SLC24A3: variants seen among roughly 807,000 people sequenced by gnomAD.
SLC24A3 encodes sodium/potassium/calcium exchanger 3.
SLC24A3 carries 28 observed loss-of-function variants against 75.8 expected under a neutral mutation model. The observed-to-expected ratio is 0.37, with a 90% CI of 0.27 to 0.51. SLC24A3 has a LOEUF of 0.51. Ranked by LOEUF, SLC24A3 falls within the 20% of genes least tolerant of loss-of-function variation. The pLI is 0.94. For synonymous variants in SLC24A3, 372 were observed against 334.1 expected, an observed-to-expected ratio of 1.11 and a Z score of -1.24; for missense variants, 663 against 847.8, an observed-to-expected ratio of 0.78 and a Z score of 2.71.
At chr20:19,483,194 C>T (rs1417694520) in intron 2 of SLC24A3, among the ~76,000 whole-genome samples, 2 of 152,176 alleles carry the variant, frequency 1.3e-5, no homozygotes, top group Admixed American at 1.3e-4. Context: ...CCATGGACTC[C>T]AGAAGGCAGC....
At chr20:19,663,542 A>G (rs1381424665) in intron 7 of SLC24A3, among the ~76,000 whole-genome samples, 1 of 133,060 alleles carries the variant, frequency 7.5e-6, no homozygotes, top group Non-Finnish European at 1.6e-5. Context: ...TCTTCACACA[A>G]GGCAGAGATC....
At chr20:19,682,082 AT>A in intron 10 of SLC24A3, 91 bp downstream of exon 10, 1 of 1,390,340 alleles carries the variant, frequency 7.2e-7, no homozygotes, top group Non-Finnish European at 9.8e-7. Context: ...GCAAATCCCC[AT>A]CTTTACTAAA....
At chr20:19,357,739 G>C (rs947643274) in intron 2 of SLC24A3, among the ~76,000 whole-genome samples, 1 of 152,168 alleles carries the variant, frequency 6.6e-6, no homozygotes, top group East Asian at 1.9e-4. Flanking sequence ...TGCTGTGTTG[G>C]GGCATGGCCA....
At position 19,607,020 on chromosome 20, in the gene SLC24A3, G is replaced by A. The variant is rs549169160; in HGVS notation, c.612+21476G>A. Among the ~76,000 whole-genome samples, 6 of 152,298 alleles carry A rather than the reference G, an allele frequency of 3.9e-5. No individual in the cohort carries two copies. The East Asian group carries it at 1.2e-3, about 29-fold the overall frequency. On this transcript the variant is annotated intron_variant, in intron 6 of 16. Transcript: ENST00000328041. The stretch of plus-strand genomic sequence containing the variant: ...AGAATGTAGGCATAGAAGAGGGTTG[G>A]ACGTGTGAATGAGTTTAGATGTTTA...
intron 2 of SLC24A3, among the ~76,000 whole-genome samples, chr20:19,405,737 G>A (rs1290904150): frequency 6.6e-6 from 1 of 152,194 alleles, no homozygotes. Flanking sequence ...TGAAGAATTT[G>A]AAGAATTTAA....
chr20:19,713,752 G>T (rs573883305), intron 15 of SLC24A3, among the ~76,000 whole-genome samples: 1 of 152,318 alleles, frequency 6.6e-6, no homozygotes, highest in Non-Finnish European at 1.5e-5. Context: ...CTGTTCAACA[G>T]TTTTAACGTG....
chr20:19,310,187 A>G (rs1984425665), intron 2 of SLC24A3, among the ~76,000 whole-genome samples: 1 of 151,932 alleles, frequency 6.6e-6, no homozygotes, highest in Non-Finnish European at 1.5e-5. Context: ...CTTTCACATT[A>G]CCCCTTCTAA....
At chr20:19,449,397 G>A (rs1029470255) in intron 2 of SLC24A3, among the ~76,000 whole-genome samples, 7 of 152,358 alleles carry the variant, frequency 4.6e-5, no homozygotes, top group East Asian at 1.9e-4. Context: ...CCTGCCCCAC[G>A]TGGCGCCCAA....
At chr20:19,379,737 A>G (rs1399291463) in intron 2 of SLC24A3, among the ~76,000 whole-genome samples, 1 of 152,202 alleles carries the variant, frequency 6.6e-6, no homozygotes, top group Non-Finnish European at 1.5e-5. Context: ...GTATCTTACA[A>G]CAACAACAAT....
intron 13 of SLC24A3, chr20:19,695,825 C>G (rs954707577): frequency 1.3e-5 from 2 of 152,126 alleles, no homozygotes; most frequent in African/African-American, 4.8e-5. Context: ...GTACACATTA[C>G]GTAGCACCCA....
intron 2 of SLC24A3, among the ~76,000 whole-genome samples, chr20:19,315,755 G>T (rs1984570678): frequency 6.6e-6 from 1 of 152,206 alleles, no homozygotes; most frequent in African/African-American, 2.4e-5. Flanking sequence ...ACTGTAACCA[G>T]AGTTCACAGT....
chr20:19,395,455 T>C (rs1474434045), intron 2 of SLC24A3, among the ~76,000 whole-genome samples: 1 of 152,228 alleles, frequency 6.6e-6, no homozygotes, highest in Non-Finnish European at 1.5e-5. Flanking sequence ...TTTTCTTTCC[T>C]AGGTGTATGT....
chr20:19,566,577 A>T (rs1326384511), intron 3 of SLC24A3, among the ~76,000 whole-genome samples: 1 of 152,214 alleles, frequency 6.6e-6, no homozygotes, highest in Non-Finnish European at 1.5e-5. Flanking sequence ...TACGAACCAA[A>T]TGAAGACTTC....
intron 2 of SLC24A3, among the ~76,000 whole-genome samples, chr20:19,466,007 C>A (rs1372366180): frequency 6.6e-6 from 1 of 152,196 alleles, no homozygotes; most frequent in East Asian, 1.9e-4. Context: ...GTCTCCCCAG[C>A]TGTCTTATTT....
At chr20:19,372,486 C>T (rs1986009271) in intron 2 of SLC24A3, among the ~76,000 whole-genome samples, 1 of 152,190 alleles carries the variant, frequency 6.6e-6, no homozygotes. Flanking sequence ...GAAAATGGTT[C>T]ATGCGGGAAT....
intron 2 of SLC24A3, among the ~76,000 whole-genome samples, chr20:19,308,494 G>C (rs1984381475): frequency 6.6e-6 from 1 of 152,206 alleles, no homozygotes; most frequent in Non-Finnish European, 1.5e-5. Flanking sequence ...GAGGGGAGGG[G>C]ACATTTGTGA....
intron 2 of SLC24A3, among the ~76,000 whole-genome samples, chr20:19,368,214 G>T (rs1045295495): frequency 4.6e-5 from 7 of 152,160 alleles, no homozygotes; most frequent in African/African-American, 1.4e-4. Flanking sequence ...GAAACATCAT[G>T]GCTGGATGGC....
At chr20:19,513,648 T>G (rs1230317584) in intron 2 of SLC24A3, among the ~76,000 whole-genome samples, 1 of 152,034 alleles carries the variant, frequency 6.6e-6, no homozygotes, top group African/African-American at 2.4e-5. Flanking sequence ...GTTCCTGTCT[T>G]TTCTTGTCTC....
At chr20:19,409,257 G>A (rs1445652921) in intron 2 of SLC24A3, among the ~76,000 whole-genome samples, 3 of 152,178 alleles carry the variant, frequency 2.0e-5, no homozygotes, top group African/African-American at 7.2e-5. Context: ...CGCAGCAGGA[G>A]CAGAGGCCCT....
Sources: allele counts gnomAD v4.1 joint callset (sites outside exome capture counted in the v4.1 genomes callset), GRCh38; gene constraint gnomAD v4.1.1; transcripts MANE v1.5; gene names NCBI Gene and HGNC (gene_info 2026-07-23, HGNC 2026-07-21).